RFX2: variants seen among roughly 807,000 people sequenced by gnomAD.
The protein encoded by RFX2 is regulatory factor X2, also known as DNA-binding protein RFX2.
Under a neutral mutation model 87.8 loss-of-function variants are expected in RFX2, and 20 were observed. The observed-to-expected ratio is 0.23, with a 90% CI of 0.16 to 0.33. The LOEUF (loss-of-function observed/expected upper bound fraction) is 0.33. RFX2 is among the 10% of genes least tolerant of loss of function. RFX2 has a pLI of 1.00. For synonymous variants in RFX2, 397 were observed against 431.3 expected, an observed-to-expected ratio of 0.92 and a Z score of 0.98; for missense variants, 767 against 1,012.3, an observed-to-expected ratio of 0.76 and a Z score of 3.29.
Position 5,999,457 on chromosome 19 carries a change from C to T in RFX2, c.1860-2244G>A, listed in dbSNP as rs1227481034. ...CCTTCCCTCTGTCCATGGAGACTGGCATCGGCATCCCTACGCTGTCTCTTC... is the reference window on the plus strand; with the variant it reads ...CCTTCCCTCTGTCCATGGAGACTGGTATCGGCATCCCTACGCTGTCTCTTC... On this transcript the variant is annotated intron_variant, in intron 15 of 17. Coordinates refer to ENST00000303657, the MANE Select transcript of RFX2 (RefSeq NM_000635.4). This position sits in a 1 kb window ranked among gnomAD's most constrained non-coding sequence, Gnocchi z 4.1. Among the ~76,000 whole-genome samples the T allele has an allele frequency of 6.6e-6, 1 of 152,086 alleles. No individual in the cohort carries two copies. The highest frequency in any genetic ancestry group is 2.4e-5 in the African/African-American group (1 of 41,396).
At chr19:6,106,811 T>A (rs1275723301) in intron 1 of RFX2, among the ~76,000 whole-genome samples, 1 of 148,102 alleles carries the variant, frequency 6.8e-6, no homozygotes, top group Non-Finnish European at 1.5e-5. Context: ...TATTTATATT[T>A]AAATTTTATT....
rs138852957 is a variant in RFX2 at position 6,007,144 on chromosome 19, C to T, written c.1270G>A (p.Val424Ile). 9.9e-6 allele frequency: 16 copies of T among 1,613,792 alleles called. No individual in the cohort carries two copies. Among genetic ancestry groups the T allele is most frequent in the East Asian group, 4.5e-5 (2 of 44,880 alleles). ...PASDEDPEGA[V>I]LPKDKLISLC... ...GAGATAAGCTTGTCCTTGGGCAGGA[C>T]GGCGCCCTCGGGGTCTTCGTCACTG... Residue 424 changes from valine (V) to isoleucine (I), a missense_variant, in exon 12 of 18, where the codon GTC becomes ATC. Val to Ile is a conservative substitution (Grantham distance 29). Transcript: ENST00000303657. The surrounding 1 kb of genome is among the most constrained non-coding windows in gnomAD (Gnocchi z 8.2).
At chr19:6,081,083 G>T (rs1232332581) in intron 1 of RFX2, among the ~76,000 whole-genome samples, 1 of 151,408 alleles carries the variant, frequency 6.6e-6, no homozygotes, top group African/African-American at 2.4e-5. Context: ...GCCCCAGGAG[G>T]CTCAACCCAC....
chr19:6,014,590 C>G (rs2086700441), intron 7 of RFX2, among the ~76,000 whole-genome samples: 1 of 152,146 alleles, frequency 6.6e-6, no homozygotes, highest in African/African-American at 2.4e-5. Flanking sequence ...TGGGCCCTTT[C>G]TAGATGAGGT....
At chr19:6,009,813 G>A (rs1449331009) in intron 9 of RFX2, among the ~76,000 whole-genome samples, 1 of 152,168 alleles carries the variant, frequency 6.6e-6, no homozygotes, top group Non-Finnish European at 1.5e-5. Flanking sequence ...TGATCCTCCC[G>A]CCTTGGCCTC....
intron 1 of RFX2, among the ~76,000 whole-genome samples, chr19:6,104,830 G>C (rs1223929409): frequency 6.6e-6 from 1 of 151,904 alleles, no homozygotes; most frequent in African/African-American, 2.4e-5. Flanking sequence ...TCAGCCCTGG[G>C]GATATAGAAG....
intron 1 of RFX2, chr19:6,049,038 C>G (rs939483547): frequency 6.6e-6 from 1 of 152,234 alleles, no homozygotes; most frequent in Non-Finnish European, 1.5e-5. Flanking sequence ...CCTTACACAG[C>G]CCGCACCTCC....
At chr19:6,076,670 C>T (rs760982925) in intron 1 of RFX2, among the ~76,000 whole-genome samples, 2 of 152,204 alleles carry the variant, frequency 1.3e-5, no homozygotes, top group Non-Finnish European at 2.9e-5. Flanking sequence ...TGTTCATTAG[C>T]GTCATCGTTG....
intron 1 of RFX2, among the ~76,000 whole-genome samples, chr19:6,059,728 C>T (rs1482034054): frequency 6.6e-6 from 1 of 151,742 alleles, no homozygotes; most frequent in Non-Finnish European, 1.5e-5. Flanking sequence ...TGGACATACA[C>T]ATATACACAA....
In RFX2 at chr19:6,007,278, G is replaced by A. The variant is rs1418202662; in HGVS notation, c.1248-112C>T. On this transcript the variant is annotated intron_variant, in intron 11 of 17. Coordinates refer to ENST00000303657, the MANE Select transcript of RFX2 (RefSeq NM_000635.4). The surrounding 1 kb of genome is among the most constrained non-coding windows in gnomAD (Gnocchi z 8.2). ...GGACTTTTGCCCAACAGTGGGGCTG[G>A]GGTTTTGCTCCCCATCCCTGAGCCT... 2 of 1,142,546 alleles carry A rather than the reference G, an allele frequency of 1.8e-6. No homozygotes were observed. Among genetic ancestry groups the A allele is most frequent in the Admixed American group, 2.3e-5 (1 of 42,906 alleles). The allele number at this position is 1,142,546 out of a possible 1,614,324, so 70.8% of individuals were successfully genotyped here. A position where few individuals can be genotyped will look rare whatever the true frequency, so the allele number is the denominator to read the frequency against.
chr19:6,029,377 T>G (rs1332268702), intron 5 of RFX2, among the ~76,000 whole-genome samples: 1 of 152,052 alleles, frequency 6.6e-6, no homozygotes, highest in African/African-American at 2.4e-5. Flanking sequence ...AAAATATACT[T>G]AAAGAGCTAA....
At position 6,016,377 on chromosome 19, in the gene RFX2, G is replaced by T; in HGVS notation, c.598-106C>A. ...ACTTGCGTTCCCTGTGTTACCAAAT[G>T]GGATGAGGAAATCCATCTTTTCTTT... On this transcript the variant is annotated intron_variant, in intron 6 of 17. Coordinates refer to ENST00000303657, the MANE Select transcript of RFX2 (RefSeq NM_000635.4). The surrounding 1 kb of genome is among the most constrained non-coding windows in gnomAD (Gnocchi z 5.4). 1 of 701,836 alleles carries T rather than the reference G, an allele frequency of 1.4e-6. No individual in the cohort carries two copies. Among genetic ancestry groups the T allele is most frequent in the Non-Finnish European group, 2.2e-6 (1 of 447,766 alleles). The allele number at this position is 701,836 out of a possible 1,614,324, so 43.5% of individuals were successfully genotyped here. A position where few individuals can be genotyped will look rare whatever the true frequency, so the allele number is the denominator to read the frequency against.
chr19:6,002,771 T>C lies in RFX2; in HGVS notation c.1600A>G (p.Ile534Val), dbSNP rs2144673405. ...ARAVLQNTSQ[I>V]NQMLSDLNRV... ...TTGAGGTCGCTGAGCATCTGGTTGA[T>C]CTGGGACGTGTTCTGCAGCACCGCC... is the stretch of plus-strand genomic sequence containing the variant. Residue 534 changes from isoleucine (I) to valine (V), a missense_variant, in exon 14 of 18, where the codon ATC (isoleucine) becomes GTC (valine). By Grantham distance (29) the Ile-to-Val change is conservative. Transcript: ENST00000303657. This position sits in a 1 kb window ranked among gnomAD's most constrained non-coding sequence, Gnocchi z 6.7. 1 of 1,613,948 alleles carries C rather than the reference T, an allele frequency of 6.2e-7. No individual in the cohort carries two copies. Among genetic ancestry groups the C allele is most frequent in the Non-Finnish European group, 8.5e-7 (1 of 1,179,954 alleles).
chr19:5,996,464 A>G (rs764217041), intron 16 of RFX2, among the ~76,000 whole-genome samples: 1 of 152,248 alleles, frequency 6.6e-6, no homozygotes, highest in Admixed American at 6.5e-5. Flanking sequence ...AAGGCCACAC[A>G]GTGTGTGATC....
Position 6,042,392 on chromosome 19 carries a change from C to T in RFX2, c.181-269G>A, listed in dbSNP as rs187304545. ...CTGTGCGCCCTGGCTCCTCTGTATA[C>T]GTGGGGGCGGGACCAGGAGAATGAC... On this transcript the variant is annotated intron_variant, in intron 3 of 17. Transcript: ENST00000303657. 2.6e-3 allele frequency among the ~76,000 whole-genome samples: 393 copies of T among 152,264 alleles called. 3 individuals carry two copies. The highest frequency in any genetic ancestry group is 0.014 in the Middle Eastern group (4 of 294).
In RFX2 at chr19:6,016,657, C is replaced by T. The variant is rs898808505; in HGVS notation, c.598-386G>A. 2.6e-5 allele frequency among the ~76,000 whole-genome samples: 4 copies of T among 152,222 alleles called. No homozygotes were observed. The highest frequency in any genetic ancestry group is 5.9e-5 in the Non-Finnish European group (4 of 68,048). ...CCGCCTGCCTCAGCCTCCCAAAGTG[C>T]TGGGATTACAGGCGTGAGCCACCGT... On this transcript the variant is annotated intron_variant, in intron 6 of 17. Coordinates refer to ENST00000303657, the MANE Select transcript of RFX2 (RefSeq NM_000635.4). This position sits in a 1 kb window ranked among gnomAD's most constrained non-coding sequence, Gnocchi z 5.4.
At position 6,016,290 on chromosome 19, in the gene RFX2, G is replaced by A. The variant is rs370918030; in HGVS notation, c.598-19C>T. 44 of 1,570,376 alleles carry A rather than the reference G, an allele frequency of 2.8e-5. No individual in the cohort carries two copies. Among genetic ancestry groups the A allele is most frequent in the Admixed American group, 2.2e-4 (12 of 55,134 alleles). On this transcript the variant is annotated intron_variant, in intron 6 of 17. Transcript: ENST00000303657. The surrounding 1 kb of genome is among the most constrained non-coding windows in gnomAD (Gnocchi z 5.4). ...ACTGGAGCTGTAAAAAGAAAGACAC[G>A]TCTGCGTTTGTCAGAAGCCTGAGGA...
In RFX2 at chr19:6,056,746, T is replaced by G. The variant is rs1302776875; in HGVS notation, c.-8-9242A>C. On this transcript the variant is annotated intron_variant, in intron 1 of 17. Coordinates refer to ENST00000303657, the MANE Select transcript of RFX2 (RefSeq NM_000635.4). This position sits in a 1 kb window ranked among gnomAD's most constrained non-coding sequence, Gnocchi z 4.6. ...AGTGACTGCCCTGCCGTCCTTGCTT[T>G]CTCGCGTTCCTTTGTCCTCTCTTCT... Among the ~76,000 whole-genome samples the G allele has an allele frequency of 6.6e-6, 1 of 152,236 alleles. No homozygotes were observed. The highest frequency in any genetic ancestry group is 2.4e-5 in the African/African-American group (1 of 41,458).
chr19:6,066,841 G>T (rs1377600908), intron 1 of RFX2, among the ~76,000 whole-genome samples: 1 of 152,182 alleles, frequency 6.6e-6, no homozygotes, highest in Non-Finnish European at 1.5e-5. Context: ...CCGTTTCCAA[G>T]AGCCTGTTGC....
Sources: gnomAD v4.1 joint callset for allele counts (sites outside exome capture counted in the v4.1 genomes callset) on GRCh38, gnomAD v4.1.1 for gene constraint, Gnocchi (gnomAD v3.1) non-coding constraint, MANE v1.5 for transcripts, NCBI Gene and HGNC (gene_info 2026-07-23, HGNC 2026-07-21) for gene names.